FAM135B: variants seen among roughly 807,000 people sequenced by gnomAD.
FAM135B encodes protein FAM135B.
Under a neutral mutation model 127.7 loss-of-function variants are expected in FAM135B, and 43 were observed. The observed-to-expected ratio is 0.34, with a 90% CI of 0.26 to 0.43. The LOEUF is 0.43. FAM135B is among the 20% of genes least tolerant of loss of function. The pLI, the probability that FAM135B is intolerant of heterozygous loss-of-function variation, is 1.00. For synonymous variants in FAM135B, 670 were observed against 665.1 expected, an observed-to-expected ratio of 1.01 and a Z score of -0.11; for missense variants, 1,558 against 1,725.6, an observed-to-expected ratio of 0.90 and a Z score of 1.72.
chr8:138,131,234 AG>A lies in FAM135B; in HGVS notation c.*1358del, dbSNP rs2130465953. On this transcript the variant is annotated 3_prime_UTR_variant, in exon 20 of 20. Coordinates refer to ENST00000395297, the MANE Select transcript of FAM135B (RefSeq NM_015912.4). Reference sequence around the variant, plus strand: ...CTTCAGAAGGGATTTTTGCAGAAGCAGGAGCTTTCATCTCCAAAAGATTAGG... The same window carrying A: ...CTTCAGAAGGGATTTTTGCAGAAGCAGAGCTTTCATCTCCAAAAGATTAGG... The A allele has an allele frequency of 1.3e-5, 2 of 152,330 alleles. No homozygotes were observed. The highest frequency in any genetic ancestry group is 4.8e-5 in the African/African-American group (2 of 41,564). The allele number at this position is 152,330 out of a possible 1,614,324, so 9.4% of individuals were successfully genotyped here. A position where few individuals can be genotyped will look rare whatever the true frequency, so the allele number is the denominator to read the frequency against.
intron 1 of FAM135B, among the ~76,000 whole-genome samples, chr8:138,443,060 G>T (rs996895475): frequency 5.3e-5 from 8 of 152,112 alleles, no homozygotes; most frequent in Non-Finnish European, 1.2e-4. Context: ...TGCATTAAAT[G>T]GAATGTAAAG....
At chr8:138,327,904 G>A (rs1044414913) in intron 2 of FAM135B, among the ~76,000 whole-genome samples, 1 of 152,158 alleles carries the variant, frequency 6.6e-6, no homozygotes, top group African/African-American at 2.4e-5. Context: ...TCCCTACAAG[G>A]TAGTAGAACA....
At chr8:138,475,651 T>C (rs1814386628) in intron 1 of FAM135B, among the ~76,000 whole-genome samples, 2 of 152,212 alleles carry the variant, frequency 1.3e-5, no homozygotes, top group Admixed American at 6.5e-5. Context: ...GCCTCTGCCT[T>C]AGTTCAGGAC....
At chr8:138,305,419 G>A (rs908176591) in intron 3 of FAM135B, among the ~76,000 whole-genome samples, 1 of 152,158 alleles carries the variant, frequency 6.6e-6, no homozygotes, top group African/African-American at 2.4e-5. Context: ...GGAAGAGGCT[G>A]TAGAATATAT....
chr8:138,228,836 T>C (rs1014337948), intron 7 of FAM135B, among the ~76,000 whole-genome samples: 3 of 152,170 alleles, frequency 2.0e-5, no homozygotes, highest in Non-Finnish European at 2.9e-5. Context: ...CCCAGGATTC[T>C]CTCCAGCCAT....
chr8:138,178,549 G>C lies in FAM135B; in HGVS notation c.1015C>G (p.His339Asp). 1.9e-6 allele frequency: 3 copies of C among 1,613,836 alleles called. No individual in the cohort carries two copies. Among genetic ancestry groups the C allele is most frequent in the Non-Finnish European group, 2.5e-6 (3 of 1,180,018 alleles). ...TGGCCACTCACCCTCAGGGTGTGGT[G>C]TTCCTGGGTGAGATAAGTGGTCACT... is the stretch of plus-strand genomic sequence containing the variant. ...SQVTTYLTQE[H>D]HTLRVRRFSE... Residue 339 changes from histidine to aspartate, a missense_variant, in exon 10 of 20, where the codon CAC becomes GAC. His to Asp is a moderately conservative substitution (Grantham distance 81). Coordinates refer to ENST00000395297, the MANE Select transcript of FAM135B (RefSeq NM_015912.4).
intron 1 of FAM135B, among the ~76,000 whole-genome samples, chr8:138,434,429 T>A (rs1410328155): frequency 6.6e-6 from 1 of 152,174 alleles, no homozygotes; most frequent in African/African-American, 2.4e-5. Context: ...GGTGTAAGTG[T>A]TCCCATTATT....
chr8:138,133,073 CAAT>C (rs1816334923), intron 19 of FAM135B, among the ~76,000 whole-genome samples: 1 of 152,152 alleles, frequency 6.6e-6, no homozygotes, highest in Admixed American at 6.5e-5. Context: ...TCGTGTTTCT[CAAT>C]AATAGCTGTA....
chr8:138,349,128 G>A (rs1347360080), intron 2 of FAM135B, among the ~76,000 whole-genome samples: 2 of 152,214 alleles, frequency 1.3e-5, no homozygotes, highest in Non-Finnish European at 2.9e-5. Flanking sequence ...TACATTCCAG[G>A]AAACCCCCTT....
chr8:138,228,716 G>GT (rs1240653075), intron 7 of FAM135B, among the ~76,000 whole-genome samples: 1 of 152,116 alleles, frequency 6.6e-6, no homozygotes, highest in African/African-American at 2.4e-5. Flanking sequence ...ACCTCAAGCA[G>GT]TATCATCAGG....
intron 2 of FAM135B, among the ~76,000 whole-genome samples, chr8:138,334,219 G>A (rs536545739): frequency 6.6e-6 from 1 of 152,070 alleles, no homozygotes; most frequent in East Asian, 1.9e-4. Flanking sequence ...CACCATGTCC[G>A]GCCCCATCTC....
intron 1 of FAM135B, among the ~76,000 whole-genome samples, chr8:138,370,380 G>A (rs181681751): frequency 1.3e-5 from 2 of 152,066 alleles, no homozygotes; most frequent in African/African-American, 4.8e-5. Context: ...AGCATGTTAG[G>A]CATTATAACC....
intron 1 of FAM135B, among the ~76,000 whole-genome samples, chr8:138,456,114 T>C (rs910613206): frequency 6.6e-6 from 1 of 152,216 alleles, no homozygotes; most frequent in African/African-American, 2.4e-5. Context: ...CACCAACATA[T>C]CACTGGCAGC....
At chr8:138,451,417 G>T (rs2131587461) in intron 1 of FAM135B, among the ~76,000 whole-genome samples, 1 of 152,204 alleles carries the variant, frequency 6.6e-6, no homozygotes, top group East Asian at 1.9e-4. Flanking sequence ...GAAGATACTT[G>T]AAGAAATCCT....
chr8:138,428,164 A>T (rs1335946337), intron 1 of FAM135B, among the ~76,000 whole-genome samples: 1 of 152,204 alleles, frequency 6.6e-6, no homozygotes, highest in Non-Finnish European at 1.5e-5. Flanking sequence ...ACAGAAAAAG[A>T]TAAAATAAAA....
intron 8 of FAM135B, 52 bp downstream of exon 8, chr8:138,197,464 G>C (rs1199665756): frequency 1.3e-6 from 2 of 1,583,018 alleles, no homozygotes; most frequent in Non-Finnish European, 8.6e-7. Flanking sequence ...CCCTTGTGTG[G>C]AGGAGGCACA....
intron 4 of FAM135B, 115 bp from the exon 5 acceptor site, chr8:138,256,874 C>T: frequency 5.2e-6 from 4 of 769,024 alleles, no homozygotes; most frequent in Non-Finnish European, 9.0e-6. Flanking sequence ...AAATCAATGT[C>T]ATTTATGCTG....
chr8:138,364,517 GC>G (rs1236705398), intron 2 of FAM135B, among the ~76,000 whole-genome samples: 1 of 152,160 alleles, frequency 6.6e-6, no homozygotes, highest in African/African-American at 2.4e-5. Flanking sequence ...ATAAGATTAT[GC>G]CCTCATCCAC....
At chr8:138,267,495 A>G (rs999787030) in intron 3 of FAM135B, among the ~76,000 whole-genome samples, 4 of 151,778 alleles carry the variant, frequency 2.6e-5, no homozygotes, top group African/African-American at 7.3e-5. Context: ...AATAAAATGC[A>G]TCTATTTCCT....
Sources: gnomAD v4.1 joint callset for allele counts (sites outside exome capture counted in the v4.1 genomes callset) on GRCh38, gnomAD v4.1.1 for gene constraint, MANE v1.5 for transcripts, NCBI Gene and HGNC (gene_info 2026-07-23, HGNC 2026-07-21) for gene names.